The following DDR2 variants were observed in gnomAD, a reference collection of about 807,000 sequenced individuals.
The protein encoded by DDR2 is discoidin domain receptor tyrosine kinase 2.
DDR2 carries 27 observed loss-of-function variants against 94.9 expected under a neutral mutation model. That is an observed-to-expected ratio of 0.28 (90% CI 0.21 to 0.39). The LOEUF (loss-of-function observed/expected upper bound fraction) is 0.39, where lower values mean the gene tolerates loss of function less well. Ranked by LOEUF, DDR2 falls within the 10% of genes least tolerant of loss-of-function variation. The probability of loss-of-function intolerance (pLI) is 1.00; values close to 1 mark genes in which losing one functional copy is unlikely to be tolerated. For synonymous variants in DDR2, 382 were observed against 377.2 expected (o/e 1.01, Z -0.15); for missense variants, 783 against 1,076.0 (o/e 0.73, Z 3.81).
intron 2 of DDR2, among the ~76,000 whole-genome samples, chr1:162,714,617 G>A (rs899209177): frequency 2.6e-5 from 4 of 152,066 alleles, no homozygotes; most frequent in African/African-American, 9.7e-5. Flanking sequence ...ACTCAGAGAG[G>A]CCTTTGCTGG....
intron 1 of DDR2, among the ~76,000 whole-genome samples, chr1:162,647,768 T>G (rs774190954): frequency 1.3e-5 from 2 of 152,230 alleles, no homozygotes; most frequent in African/African-American, 2.4e-5. Context: ...ATAATTAGCG[T>G]CTAATGAGCA....
intron 2 of DDR2, among the ~76,000 whole-genome samples, chr1:162,677,553 C>T (rs1659194414): frequency 6.6e-6 from 1 of 152,194 alleles, no homozygotes; most frequent in South Asian, 2.1e-4. Context: ...ACAGAGGAAC[C>T]TCTCTTACAT....
chr1:162,726,246 A>T (rs1290282628), intron 3 of DDR2, among the ~76,000 whole-genome samples: 1 of 152,230 alleles, frequency 6.6e-6, no homozygotes, highest in Non-Finnish European at 1.5e-5. Flanking sequence ...TCTTTCCATT[A>T]TTCTATACTG....
chr1:162,773,606 C>A lies in DDR2; in HGVS notation c.1856+10C>A, dbSNP rs1647354220. 6.2e-7 allele frequency: 1 copy of A among 1,613,650 alleles called. No homozygotes were observed. The highest frequency in any genetic ancestry group is 1.1e-5 in the South Asian group (1 of 90,994). On this transcript the variant is annotated intron_variant, in intron 14 of 17. Transcript: ENST00000367921. ...CCAACAAGAATGCCAGGTCTGTGGTCTACATTTTGAATTTTCCTTTAGGTA... is the reference window on the plus strand; with the variant it reads ...CCAACAAGAATGCCAGGTCTGTGGTATACATTTTGAATTTTCCTTTAGGTA...
intron 2 of DDR2, among the ~76,000 whole-genome samples, chr1:162,716,328 T>C (rs1571234845): frequency 6.6e-6 from 1 of 152,180 alleles, no homozygotes; most frequent in Non-Finnish European, 1.5e-5. Flanking sequence ...AAGTCAGTCC[T>C]GGGCCTCAGC....
intron 2 of DDR2, among the ~76,000 whole-genome samples, chr1:162,663,500 G>C (rs1252015800): frequency 1.3e-5 from 2 of 152,174 alleles, no homozygotes; most frequent in Non-Finnish European, 2.9e-5. Context: ...AACTGCTGCA[G>C]ATATTTGAGC....
chr1:162,783,035 T>C lies in DDR2; in HGVS notation c.*2789T>C, dbSNP rs1432388634. On this transcript the variant is annotated 3_prime_UTR_variant, in exon 18 of 18. Coordinates refer to ENST00000367921, the MANE Select transcript of DDR2 (RefSeq NM_006182.4). The stretch of plus-strand genomic sequence containing the variant: ...CCTAGTATGTAGAATTTGAAAGTAG[T>C]TCAAATTTGAATTAGAAGAATGAAG... 2.6e-5 allele frequency: 4 copies of C among 152,152 alleles called. No individual in the cohort carries two copies. The highest frequency in any genetic ancestry group is 5.9e-5 in the Non-Finnish European group (4 of 68,022). The allele number at this position is 152,152 out of a possible 1,614,324, so 9.4% of individuals were successfully genotyped here.
intron 1 of DDR2, among the ~76,000 whole-genome samples, chr1:162,635,682 T>G (rs1656783161): frequency 6.6e-6 from 1 of 152,308 alleles, no homozygotes; most frequent in African/African-American, 2.4e-5. Context: ...AGGGCTTCTC[T>G]GAATGCAGCA....
intron 2 of DDR2, among the ~76,000 whole-genome samples, chr1:162,697,990 A>G (rs1048813305): frequency 6.6e-6 from 1 of 152,208 alleles, no homozygotes; most frequent in African/African-American, 2.4e-5. Context: ...CTAAAAATCT[A>G]TAGCTATTAA....
At chr1:162,726,237 C>A (rs1661656631) in intron 3 of DDR2, among the ~76,000 whole-genome samples, 1 of 152,176 alleles carries the variant, frequency 6.6e-6, no homozygotes, top group African/African-American at 2.4e-5. Flanking sequence ...CTTCATTAGT[C>A]TTTCCATTAT....
intron 9 of DDR2, among the ~76,000 whole-genome samples, chr1:162,762,401 C>T (rs1408202441): frequency 6.6e-6 from 1 of 152,168 alleles, no homozygotes; most frequent in Non-Finnish European, 1.5e-5. Flanking sequence ...TTATGCTGAA[C>T]TTCATCATGG....
intron 2 of DDR2, among the ~76,000 whole-genome samples, chr1:162,697,755 C>T (rs767675474): frequency 6.6e-6 from 1 of 152,182 alleles, no homozygotes; most frequent in Non-Finnish European, 1.5e-5. Flanking sequence ...TTACTCCTCA[C>T]GATGGTCCTC....
Position 162,645,754 on chromosome 1 carries a change from C to T in DDR2, c.-191-9457C>T, listed in dbSNP as rs190405255. On this transcript the variant is annotated intron_variant, in intron 1 of 17. Transcript: ENST00000367921. ...CCCAAACTCTGTAGTAAGCAATCAT[C>T]GAATGTCAGTTTCTATGAGGTGTCA... Among the ~76,000 whole-genome samples, 6 of 152,218 alleles carry T rather than the reference C, an allele frequency of 3.9e-5. No homozygotes were observed. The East Asian group carries it at 7.7e-4, about 20-fold the overall frequency.
intron 12 of DDR2, chr1:162,770,736 A>G: frequency 3.1e-6 from 2 of 650,700 alleles, no homozygotes; most frequent in Non-Finnish European, 2.8e-6. Flanking sequence ...CCCACATACC[A>G]GAAAAGAAAG....
At chr1:162,695,391 C>T (rs918482421) in intron 2 of DDR2, among the ~76,000 whole-genome samples, 8 of 152,090 alleles carry the variant, frequency 5.3e-5, no homozygotes, top group African/African-American at 1.2e-4. Flanking sequence ...GCCACCACGC[C>T]GGCTAATTTT....
intron 13 of DDR2, among the ~76,000 whole-genome samples, chr1:162,772,670 C>A (rs1454987095): frequency 6.6e-6 from 1 of 152,142 alleles, no homozygotes; most frequent in African/African-American, 2.4e-5. Context: ...AACAACCTCG[C>A]CCCTGCCTTT....
intron 2 of DDR2, among the ~76,000 whole-genome samples, chr1:162,684,418 G>A (rs1222952853): frequency 1.3e-5 from 2 of 152,126 alleles, no homozygotes; most frequent in Non-Finnish European, 2.9e-5. Context: ...CAAACCTGAA[G>A]TCAAATGCCA....
At chr1:162,696,090 A>G (rs954341331) in intron 2 of DDR2, among the ~76,000 whole-genome samples, 3 of 152,062 alleles carry the variant, frequency 2.0e-5, no homozygotes, top group African/African-American at 7.2e-5. Context: ...CCCACTCATT[A>G]TATTCCAGTA....
At chr1:162,642,799 C>T (rs1422185746) in intron 1 of DDR2, among the ~76,000 whole-genome samples, 2 of 152,118 alleles carry the variant, frequency 1.3e-5, no homozygotes, top group Non-Finnish European at 2.9e-5. Flanking sequence ...TGAGTGTTCT[C>T]TCTTTCCTGA....
Sources: allele counts gnomAD v4.1 joint callset (sites outside exome capture counted in the v4.1 genomes callset), GRCh38; gene constraint gnomAD v4.1.1; transcripts MANE v1.5; gene names NCBI Gene and HGNC (gene_info 2026-07-23, HGNC 2026-07-21).